Variants in MECOM observed in about 807,000 individuals in gnomAD.
MECOM encodes the protein histone-lysine N-methyltransferase MECOM.
Under a neutral mutation model 116.3 loss-of-function variants are expected in MECOM, and 13 were observed. The ratio of observed to expected loss-of-function variants is 0.11; its 90% CI spans 0.07 to 0.18. The LOEUF (loss-of-function observed/expected upper bound fraction) is 0.18. MECOM is among the 10% of genes least tolerant of loss of function. The pLI, the probability that MECOM is intolerant of heterozygous loss-of-function variation, is 1.00. For synonymous variants in MECOM, 528 were observed against 535.2 expected (o/e 0.99, Z 0.19); for missense variants, 1,299 against 1,509.0 (o/e 0.86, Z 2.31).
intron 1 of MECOM, among the ~76,000 whole-genome samples, chr3:169,458,736 C>A (rs1746937276): frequency 6.6e-6 from 1 of 152,098 alleles, no homozygotes; most frequent in Non-Finnish European, 1.5e-5. Context: ...CTAAATTTTT[C>A]ACAGGATGGG....
intron 1 of MECOM, among the ~76,000 whole-genome samples, chr3:169,652,655 A>G (rs1775060730): frequency 6.6e-6 from 1 of 152,220 alleles, no homozygotes; most frequent in African/African-American, 2.4e-5. Context: ...CACTTGAATT[A>G]AGGGAACAGA....
chr3:169,420,737 T>C (rs1739580862), intron 1 of MECOM, among the ~76,000 whole-genome samples: 1 of 152,116 alleles, frequency 6.6e-6, no homozygotes, highest in Non-Finnish European at 1.5e-5. Flanking sequence ...AACTGAATTT[T>C]CAACCTCACT....
intron 1 of MECOM, among the ~76,000 whole-genome samples, chr3:169,602,569 G>C (rs1767959946): frequency 6.6e-6 from 1 of 152,068 alleles, no homozygotes; most frequent in East Asian, 1.9e-4. Flanking sequence ...GATGCCAATA[G>C]CACAACCCAC....
chr3:169,299,338 C>T (rs916572575), intron 2 of MECOM, among the ~76,000 whole-genome samples: 2 of 152,152 alleles, frequency 1.3e-5, no homozygotes, highest in African/African-American at 2.4e-5. Flanking sequence ...TGCACACCCA[C>T]GCCAGAGCTC....
intron 2 of MECOM, among the ~76,000 whole-genome samples, chr3:169,274,458 A>G (rs994121486): frequency 2.0e-5 from 3 of 152,194 alleles, no homozygotes; most frequent in African/African-American, 7.2e-5. Flanking sequence ...TACTAGCTGA[A>G]TGTAGCACAG....
Position 169,302,206 on chromosome 3 carries a change from A to G in MECOM, c.375+78981T>C, listed in dbSNP as rs551591198. Among the ~76,000 whole-genome samples, 3 of 152,376 alleles carry G rather than the reference A, an allele frequency of 2.0e-5. No homozygotes were observed. In the East Asian group the frequency reaches 5.8e-4, roughly 29 times the overall value. ...CAAGACAAGTAGAGAAAAGGAAGAC[A>G]CATGTCCATGTATCAAGTCCTGTTA... On this transcript the variant is annotated intron_variant, in intron 2 of 16. Transcript: ENST00000651503.
rs368676436 is a variant in MECOM at position 169,542,422 on chromosome 3, C to A, written c.37+120914G>T. On this transcript the variant is annotated intron_variant, in intron 1 of 16. Transcript: ENST00000651503. ...GGCAGAATAATCACTGTAAACAATG[C>A]CCTGGGGATTTAGTTGGCTACAACA... Among the ~76,000 whole-genome samples the A allele has an allele frequency of 7.2e-5, 11 of 152,102 alleles. No homozygotes were observed. In the East Asian group the frequency reaches 9.7e-4, roughly 13 times the overall value.
rs189499656 is a variant in MECOM at position 169,504,083 on chromosome 3, G to T, written c.38-122559C>A. On this transcript the variant is annotated intron_variant, in intron 1 of 16. Transcript: ENST00000651503. ...ACTATCTCTGAAAATAGATCAAAAG[G>T]CACACTTTGTTCAAGATGTCTCAGG... is the stretch of plus-strand genomic sequence containing the variant. Among the ~76,000 whole-genome samples, 2 of 149,726 alleles carry T rather than the reference G, an allele frequency of 1.3e-5. 1 individual carries two copies. The highest frequency in any genetic ancestry group is 1.3e-4 in the Admixed American group (2 of 14,888).
At chr3:169,357,858 G>A (rs1188287671) in intron 2 of MECOM, among the ~76,000 whole-genome samples, 2 of 151,742 alleles carry the variant, frequency 1.3e-5, no homozygotes, top group South Asian at 2.1e-4. Context: ...AAGAGGTGAG[G>A]AAAAGAAGTC....
chr3:169,511,459 C>A (rs1484922514), intron 1 of MECOM, among the ~76,000 whole-genome samples: 1 of 152,134 alleles, frequency 6.6e-6, no homozygotes, highest in Admixed American at 6.5e-5. Context: ...GAAATTAAAC[C>A]TTTTTTAAAA....
At chr3:169,415,577 C>T (rs1459653946) in intron 1 of MECOM, among the ~76,000 whole-genome samples, 5 of 152,096 alleles carry the variant, frequency 3.3e-5, no homozygotes, top group Non-Finnish European at 5.9e-5. Flanking sequence ...TTAAAAGGCA[C>T]AGACAGGCAA....
At chr3:169,612,742 G>T (rs890112194) in intron 1 of MECOM, among the ~76,000 whole-genome samples, 1 of 152,054 alleles carries the variant, frequency 6.6e-6, no homozygotes, top group African/African-American at 2.4e-5. Flanking sequence ...TTCTCTACAG[G>T]TTCTCAACTT....
intron 1 of MECOM, among the ~76,000 whole-genome samples, chr3:169,460,394 T>C (rs1262859776): frequency 1.3e-5 from 2 of 152,168 alleles, no homozygotes. Context: ...CTATTTTTTG[T>C]CTAAACAATA....
At position 169,269,993 on chromosome 3, in the gene MECOM, G is replaced by A. The variant is rs562227762; in HGVS notation, c.375+111194C>T. 5.3e-5 allele frequency among the ~76,000 whole-genome samples: 8 copies of A among 150,184 alleles called. No homozygotes were observed. In the East Asian group the frequency reaches 1.6e-3, roughly 29 times the overall value. ...GTGTGTGTGTGTGTGTGTGTGTGTA[G>A]GTATTTCATACTCACTTGGCCCAAA... On this transcript the variant is annotated intron_variant, in intron 2 of 16. Transcript: ENST00000651503.
Position 169,663,339 on chromosome 3 carries a change from T to G in MECOM, c.34A>C (p.Thr12Pro). 1 of 1,609,978 alleles carries G rather than the reference T, an allele frequency of 6.2e-7. No homozygotes were observed. Among genetic ancestry groups the G allele is most frequent in the Non-Finnish European group, 8.5e-7 (1 of 1,178,178 alleles). ...RSKGRARKLATNNECVYGNYP... is the reference protein window; with the variant it reads ...RSKGRARKLAPNNECVYGNYP... ...AGAAAAGGGATATTGCACCTACTTG[T>G]GGCCAGTTTCCTTGCCCTGCCTTTG... The change falls in exon 1 of 17, where the codon ACA becomes CCA. Residue 12 changes from threonine to proline, a missense_variant. This residue lies in a region of MECOM where 374 missense variants were observed against 433.4 expected (regional missense o/e 0.86). Transcript: ENST00000651503.
intron 2 of MECOM, among the ~76,000 whole-genome samples, chr3:169,309,036 T>A (rs1284581179): frequency 6.6e-6 from 1 of 152,222 alleles, no homozygotes. Flanking sequence ...TAACCCATCA[T>A]AACACACATT....
At chr3:169,146,477 C>G (rs1333174749) in intron 2 of MECOM, 1 of 1,383,402 alleles carries the variant, frequency 7.2e-7, no homozygotes, top group Non-Finnish European at 9.6e-7. Flanking sequence ...AGAAACCCAC[C>G]GAAGGCCGGA....
At chr3:169,450,436 G>A (rs955471227) in intron 1 of MECOM, among the ~76,000 whole-genome samples, 26 of 151,920 alleles carry the variant, frequency 1.7e-4, no homozygotes, top group African/African-American at 6.3e-4. Flanking sequence ...AGACAAATAG[G>A]CCCCTGCTGC....
In MECOM at chr3:169,310,177, T is replaced by C. The variant is rs1718483420; in HGVS notation, c.375+71010A>G. 2.0e-5 allele frequency among the ~76,000 whole-genome samples: 3 copies of C among 152,348 alleles called. No individual in the cohort carries two copies. In the South Asian group the frequency reaches 6.2e-4, roughly 32 times the overall value. On this transcript the variant is annotated intron_variant, in intron 2 of 16. Transcript: ENST00000651503. ...TCTTTATAAGATTAAAGACATTTTT[T>C]CCCAATTAGAAAAAATCCATAATTC... is the stretch of plus-strand genomic sequence containing the variant.
Sources: gnomAD v4.1 joint callset for allele counts (sites outside exome capture counted in the v4.1 genomes callset) on GRCh38, gnomAD v4.1.1 for gene constraint, gnomAD v4.1.1 regional missense constraint, MANE v1.5 for transcripts, NCBI Gene and HGNC (gene_info 2026-07-23, HGNC 2026-07-21) for gene names.